Variants in MEMO1 observed in about 807,000 individuals in gnomAD.
MEMO1 encodes the protein mediator of cell motility 1.
MEMO1 carries 6 observed loss-of-function variants against 45.2 expected under a neutral mutation model. The ratio of observed to expected loss-of-function variants is 0.13; its 90% CI spans 0.07 to 0.26. The LOEUF (loss-of-function observed/expected upper bound fraction) is 0.26. MEMO1 is among the 10% of genes least tolerant of loss of function. MEMO1 has a pLI of 1.00. For synonymous variants in MEMO1, 78 were observed against 124.3 expected, an observed-to-expected ratio of 0.63 and a Z score of 2.48; for missense variants, 184 against 370.5, an observed-to-expected ratio of 0.50 and a Z score of 4.13.
At chr2:31,928,509 T>G (rs1683453946) in intron 4 of MEMO1, among the ~76,000 whole-genome samples, 2 of 138,336 alleles carry the variant, frequency 1.4e-5, no homozygotes, top group Admixed American at 1.6e-4. Context: ...ATTGCGCCAC[T>G]ACACTCCAGC....
intron 6 of MEMO1, among the ~76,000 whole-genome samples, chr2:31,909,362 G>T (rs1023855102): frequency 6.6e-6 from 1 of 152,084 alleles, no homozygotes; most frequent in Admixed American, 6.6e-5. Flanking sequence ...AGAAAAACCT[G>T]AAGTCTCCAC....
At chr2:31,889,287 A>G (rs1676607956) in intron 7 of MEMO1, among the ~76,000 whole-genome samples, 1 of 152,086 alleles carries the variant, frequency 6.6e-6, no homozygotes, top group Non-Finnish European at 1.5e-5. Flanking sequence ...AGGTATTTAT[A>G]GTGTGTTAAG....
chr2:31,955,193 CA>C (rs1000212577), intron 2 of MEMO1, among the ~76,000 whole-genome samples: 23 of 136,602 alleles, frequency 1.7e-4, no homozygotes, highest in Admixed American at 1.5e-4. Flanking sequence ...GACCCTGTCT[CA>C]AAAAAAAAAA....
At chr2:31,869,730 T>G (rs977349224) in intron 9 of MEMO1, 118 bp downstream of exon 9, 1 of 1,091,608 alleles carries the variant, frequency 9.2e-7, no homozygotes, top group Admixed American at 3.7e-5. Flanking sequence ...TTAAAGATAC[T>G]AAAAAGAAAC....
In MEMO1 at chr2:31,943,393, G is replaced by C. The variant is rs41280627; in HGVS notation, c.62-10C>G. Reference sequence around the variant, plus strand: ...GCATTCAGCTGCGGTCCTATAAAAAGACAAAGACAAAATTAGAGTCAGCAA... The same window carrying C: ...GCATTCAGCTGCGGTCCTATAAAAACACAAAGACAAAATTAGAGTCAGCAA... On this transcript the variant is annotated splice_polypyrimidine_tract_variant and intron_variant, in intron 2 of 9. Coordinates refer to ENST00000404530, the MANE Select transcript of MEMO1 (RefSeq NM_001301833.4). The C allele has an allele frequency of 3.7e-3, 5,932 of 1,604,822 alleles. 22 individuals are homozygous for C. Among genetic ancestry groups the C allele is most frequent in the Non-Finnish European group, 3.6e-3 (4,234 of 1,171,634 alleles).
intron 2 of MEMO1, among the ~76,000 whole-genome samples, chr2:32,001,839 A>G (rs1673352687): frequency 6.6e-6 from 1 of 152,126 alleles, no homozygotes; most frequent in African/African-American, 2.4e-5. Flanking sequence ...CCTAATCATA[A>G]GATTATTGTA....
intron 2 of MEMO1, among the ~76,000 whole-genome samples, chr2:31,965,886 G>A (rs1408221055): frequency 6.6e-6 from 1 of 152,116 alleles, no homozygotes; most frequent in African/African-American, 2.4e-5. Context: ...CCGAGGTGAT[G>A]GGTTGACAGG....
At chr2:31,873,612 G>C (rs908753938) in intron 8 of MEMO1, among the ~76,000 whole-genome samples, 3 of 152,138 alleles carry the variant, frequency 2.0e-5, no homozygotes, top group African/African-American at 7.2e-5. Context: ...TCTCCCAAAA[G>C]TAACAAATGC....
chr2:31,999,061 T>C (rs918131073), intron 2 of MEMO1, among the ~76,000 whole-genome samples: 2 of 152,166 alleles, frequency 1.3e-5, no homozygotes, highest in Non-Finnish European at 2.9e-5. Flanking sequence ...ATGACTCCTT[T>C]CTTTCTTTCG....
At chr2:31,982,837 T>C (rs904920820) in intron 2 of MEMO1, among the ~76,000 whole-genome samples, 18 of 152,034 alleles carry the variant, frequency 1.2e-4, no homozygotes, top group Non-Finnish European at 1.9e-4. Flanking sequence ...GGAGCCAGGT[T>C]TCTCAATGTT....
chr2:31,933,348 A>AAAATATAT (rs1558514269), intron 3 of MEMO1, among the ~76,000 whole-genome samples: 3 of 16,176 alleles, frequency 1.9e-4, no homozygotes, highest in African/African-American at 2.4e-4. Context: ...AAAAAAAAAA[A>AAAATATAT]ATTTATATAT....
intron 2 of MEMO1, among the ~76,000 whole-genome samples, chr2:32,000,466 G>T (rs986112998): frequency 6.6e-6 from 1 of 151,604 alleles, no homozygotes; most frequent in Non-Finnish European, 1.5e-5. Context: ...TCCTGACCTC[G>T]TGATCCGCCC....
chr2:31,980,242 G>A (rs1301315272), intron 2 of MEMO1, among the ~76,000 whole-genome samples: 1 of 152,068 alleles, frequency 6.6e-6, no homozygotes, highest in Admixed American at 6.6e-5. Flanking sequence ...GACCAGCCTG[G>A]ACAATAAAGC....
chr2:31,962,419 G>C lies in MEMO1; in HGVS notation c.62-19036C>G, dbSNP rs539218380. On this transcript the variant is annotated intron_variant, in intron 2 of 9. Coordinates refer to ENST00000404530, the MANE Select transcript of MEMO1 (RefSeq NM_001301833.4). ...AGAAGAAAAGAAAAGAAAGAAGAGA[G>C]AGAGAGATAACTATAAACCACGTGT... Among the ~76,000 whole-genome samples the C allele has an allele frequency of 3.9e-5, 6 of 152,170 alleles. No individual in the cohort carries two copies. In the East Asian group the frequency reaches 1.2e-3, roughly 29 times the overall value.
intron 2 of MEMO1, among the ~76,000 whole-genome samples, chr2:31,962,194 G>C (rs533499443): frequency 1.3e-5 from 2 of 152,242 alleles, no homozygotes; most frequent in South Asian, 4.1e-4. Context: ...AGACCAGCCT[G>C]GGCAACACAG....
intron 2 of MEMO1, chr2:31,963,340 A>AG: frequency 7.5e-7 from 1 of 1,326,898 alleles, no homozygotes; most frequent in Non-Finnish European, 9.8e-7. Context: ...ATAAAGGTGT[A>AG]GACACACATA....
rs1180960740 is a variant in MEMO1 at position 31,920,819 on chromosome 2, C to T, written c.304G>A (p.Asp102Asn). ...TTACTCTTTTGGTCAATACGAAGGT[C>T]ATACAGAGGTGTCCTATATATATCC... ...SVDIYRTPLY[D>N]LRIDQKIYGE... Residue 102 changes from aspartate (D) to asparagine (N), a missense_variant, in exon 5 of 10, where the codon GAC becomes AAC. Physicochemically the swap from Asp to Asn is conservative, Grantham distance 23. This residue lies in a region of MEMO1 where 60 missense variants were observed against 79.2 expected (regional missense o/e 0.76). Transcript: ENST00000404530. The T allele has an allele frequency of 2.5e-6, 4 of 1,601,740 alleles. No homozygotes were observed. Among genetic ancestry groups the T allele is most frequent in the Non-Finnish European group, 3.4e-6 (4 of 1,174,384 alleles).
chr2:31,952,887 C>T (rs964449973), intron 2 of MEMO1, among the ~76,000 whole-genome samples: 3 of 152,068 alleles, frequency 2.0e-5, no homozygotes, highest in African/African-American at 7.2e-5. Flanking sequence ...ACATAACATT[C>T]TAATATAAGC....
chr2:31,923,534 A>G, intron 4 of MEMO1: 1 of 1,259,788 alleles, frequency 7.9e-7, no homozygotes, highest in Non-Finnish European at 1.0e-6. Flanking sequence ...ATAGCACATA[A>G]ATAACATGAC....
Sources: allele counts gnomAD v4.1 joint callset (sites outside exome capture counted in the v4.1 genomes callset), GRCh38; gene constraint gnomAD v4.1.1; regional missense constraint gnomAD v4.1.1; transcripts MANE v1.5; gene names NCBI Gene and HGNC (gene_info 2026-07-23, HGNC 2026-07-21).